SEC63: variants seen among roughly 807,000 people sequenced by gnomAD.
The protein encoded by SEC63 is SEC63 protein translocation regulator.
A neutral mutation model predicts 116.2 loss-of-function variants in SEC63; 56 were observed. The observed-to-expected ratio is 0.48, with a 90% confidence interval of 0.39 to 0.60. The LOEUF (loss-of-function observed/expected upper bound fraction) is 0.60, where lower values mean the gene tolerates loss of function less well. SEC63 is among the 20% of genes least tolerant of loss of function. The pLI is 0.00. For synonymous variants in SEC63, 273 were observed against 294.6 expected (o/e 0.93, Z 0.75); for missense variants, 668 against 900.0 (o/e 0.74, Z 3.30).
At chr6:107,916,575 T>G (rs1017064078) in intron 4 of SEC63, among the ~76,000 whole-genome samples, 2 of 152,240 alleles carry the variant, frequency 1.3e-5, no homozygotes, top group African/African-American at 4.8e-5. Context: ...GATAATCGTG[T>G]TTTTCTGCCA....
chr6:107,906,145 G>T (rs956910353), intron 10 of SEC63, among the ~76,000 whole-genome samples: 4 of 152,084 alleles, frequency 2.6e-5, no homozygotes, highest in African/African-American at 9.7e-5. Flanking sequence ...GTTTAAAAAC[G>T]TGTGGCATCT....
intron 3 of SEC63, among the ~76,000 whole-genome samples, chr6:107,923,432 T>G (rs970154358): frequency 2.6e-5 from 4 of 152,176 alleles, no homozygotes; most frequent in Non-Finnish European, 5.9e-5. Context: ...AGTTTTCTAT[T>G]TAGAACCCAT....
intron 16 of SEC63, among the ~76,000 whole-genome samples, chr6:107,889,444 T>G (rs1786619968): frequency 6.6e-6 from 1 of 152,196 alleles, no homozygotes; most frequent in Non-Finnish European, 1.5e-5. Flanking sequence ...GACATCCCCT[T>G]TATCTTTTTT....
intron 4 of SEC63, among the ~76,000 whole-genome samples, chr6:107,913,948 A>G (rs1787342429): frequency 6.6e-6 from 1 of 152,210 alleles, no homozygotes; most frequent in Non-Finnish European, 1.5e-5. Flanking sequence ...GTAAAACTCC[A>G]TTGCTGTGGG....
intron 19 of SEC63, among the ~76,000 whole-genome samples, chr6:107,875,110 C>T (rs914416063): frequency 3.9e-5 from 6 of 152,014 alleles, no homozygotes; most frequent in African/African-American, 1.5e-4. Context: ...CTGATCTGCC[C>T]GCCTTGGCCT....
intron 13 of SEC63, among the ~76,000 whole-genome samples, chr6:107,898,880 G>A (rs1008764613): frequency 1.3e-5 from 2 of 152,102 alleles, no homozygotes; most frequent in East Asian, 1.9e-4. Context: ...CATACCATCA[G>A]TTGAAAAGAA....
intron 8 of SEC63, among the ~76,000 whole-genome samples, chr6:107,908,601 T>C (rs2114453285): frequency 6.6e-6 from 1 of 152,144 alleles, no homozygotes; most frequent in East Asian, 1.9e-4. Flanking sequence ...ACAGCAAAAA[T>C]TAAATGAGTC....
intron 2 of SEC63, among the ~76,000 whole-genome samples, chr6:107,925,489 CAATA>C (rs1455011169): frequency 3.3e-5 from 5 of 152,002 alleles, no homozygotes; most frequent in Admixed American, 1.3e-4. Context: ...ATTTTGTAGC[CAATA>C]AATAGTTATA....
chr6:107,908,693 G>A (rs1164586389), intron 8 of SEC63, among the ~76,000 whole-genome samples: 1 of 152,056 alleles, frequency 6.6e-6, no homozygotes, highest in African/African-American at 2.4e-5. Flanking sequence ...GCACGCATAA[G>A]GATTATGGTA....
intron 1 of SEC63, 23 bp downstream of exon 1, chr6:107,957,863 G>C: frequency 6.2e-7 from 1 of 1,601,920 alleles, no homozygotes; most frequent in Admixed American, 1.7e-5. Context: ...GCGGGTTCGC[G>C]GGCAAAGGCC....
chr6:107,891,762 T>C (rs911353952), intron 16 of SEC63, among the ~76,000 whole-genome samples: 4 of 152,206 alleles, frequency 2.6e-5, no homozygotes, highest in African/African-American at 9.6e-5. Context: ...GTCCTTTTTG[T>C]TGGTGTTGAT....
chr6:107,898,447 C>A (rs1262142699), intron 13 of SEC63, among the ~76,000 whole-genome samples: 1 of 152,040 alleles, frequency 6.6e-6, no homozygotes, highest in African/African-American at 2.4e-5. Context: ...ACTGTGCAAA[C>A]CTTACATTCA....
At chr6:107,894,784 T>TA (rs1786775557) in intron 14 of SEC63, among the ~76,000 whole-genome samples, 8 of 151,354 alleles carry the variant, frequency 5.3e-5, no homozygotes, top group Non-Finnish European at 1.0e-4. Flanking sequence ...TTTTTTTTTT[T>TA]TAAAGACAGT....
Position 107,876,663 on chromosome 6 carries a change from CTGG to C in SEC63, c.1936-4_1936-2del. 1 of 1,044,384 alleles carries C rather than the reference CTGG, an allele frequency of 9.6e-7. No homozygotes were observed. Among genetic ancestry groups the C allele is most frequent in the South Asian group, 1.8e-5 (1 of 55,222 alleles). 64.7% of individuals were successfully genotyped at this position (1,044,384 alleles called of 1,614,324 possible). A position where few individuals can be genotyped will look rare whatever the true frequency, so the allele number is the denominator to read the frequency against. ...AAAGCCACCACCATTCTTGTTTTTC[CTGG>C]AAACAAAAAAAAAAAAAAAAAAAGA... is the stretch of plus-strand genomic sequence containing the variant. On this transcript the variant is annotated splice_acceptor_variant and splice_polypyrimidine_tract_variant and intron_variant, in intron 18 of 20. Transcript: ENST00000369002. LOFTEE classifies it high-confidence loss of function.
At chr6:107,883,984 CTCATGCTATAA>C (rs1786470827) in intron 16 of SEC63, among the ~76,000 whole-genome samples, 1 of 151,938 alleles carries the variant, frequency 6.6e-6, no homozygotes, top group Non-Finnish European at 1.5e-5. Context: ...GACGCAGTGG[CTCATGCTATAA>C]TCCCAGCACT....
chr6:107,927,187 G>A (rs1787694660), intron 2 of SEC63, among the ~76,000 whole-genome samples: 1 of 151,934 alleles, frequency 6.6e-6, no homozygotes, highest in South Asian at 2.1e-4. Context: ...CTCAGCCTCC[G>A]GAGTAGCTGG....
At chr6:107,879,320 C>T (rs1055875055) in intron 18 of SEC63, among the ~76,000 whole-genome samples, 8 of 151,806 alleles carry the variant, frequency 5.3e-5, no homozygotes, top group African/African-American at 7.3e-5. Context: ...CCCGCCACCA[C>T]GCCCGGCTAA....
intron 18 of SEC63, among the ~76,000 whole-genome samples, chr6:107,878,283 TG>T (rs1786327355): frequency 1.3e-5 from 2 of 152,368 alleles, no homozygotes; most frequent in South Asian, 4.1e-4. Context: ...CTGGCCATGT[TG>T]TAAAGATGAT....
At chr6:107,901,575 A>G (rs1006340183) in intron 12 of SEC63, 58 bp from the exon 13 acceptor site, 2 of 1,265,494 alleles carry the variant, frequency 1.6e-6, no homozygotes, top group Non-Finnish European at 2.2e-6. Context: ...CTTTTCATAA[A>G]AAGAAAATTA....
Sources: gnomAD v4.1 joint callset for allele counts (sites outside exome capture counted in the v4.1 genomes callset) on GRCh38, gnomAD v4.1.1 for gene constraint, MANE v1.5 for transcripts, NCBI Gene and HGNC (gene_info 2026-07-23, HGNC 2026-07-21) for gene names.